TLCD3B: variants seen among roughly 807,000 people sequenced by gnomAD.
TLCD3B encodes TLC domain containing 3B, also known as ceramide synthase.
Under a neutral mutation model 23.0 loss-of-function variants are expected in TLCD3B, and 9 were observed. The ratio of observed to expected loss-of-function variants is 0.39; its 90% CI spans 0.24 to 0.68. TLCD3B has a LOEUF of 0.68. Among genes scored for constraint, TLCD3B ranks in the 30% least tolerant of loss-of-function variants. The probability of loss-of-function intolerance (pLI) is 0.44; values close to 1 mark genes in which losing one functional copy is unlikely to be tolerated. For synonymous variants in TLCD3B, 161 were observed against 161.0 expected, an observed-to-expected ratio of 1.00 and a Z score of 0.00; for missense variants, 307 against 371.8, an observed-to-expected ratio of 0.83 and a Z score of 1.43.
rs567213222 is a variant in TLCD3B, at chr16:30,045,396, G to A, written c.-229+927C>T. Among the ~76,000 whole-genome samples the A allele has an allele frequency of 2.2e-5, 3 of 135,750 alleles. No homozygotes were observed. In the South Asian group the frequency reaches 7.6e-4, roughly 34 times the overall value. The allele number at this position is 135,750 out of a possible 152,430, so 89.1% of individuals were successfully genotyped here. On this transcript the variant is annotated intron_variant, in intron 2 of 6. Transcript: ENST00000561666. The stretch of plus-strand genomic sequence containing the variant: ...TGTGTGTGTGGTGTGCGTGGGTATG[G>A]TGTGTGTGGTGTGTGGTGTGTTTGT...
At chr16:30,037,436 C>G (rs996884337) in intron 3 of TLCD3B, among the ~76,000 whole-genome samples, 1 of 149,082 alleles carries the variant, frequency 6.7e-6, no homozygotes, top group Non-Finnish European at 1.5e-5. Flanking sequence ...CCAGCTACTC[C>G]GGAGGCTGAG....
intron 2 of TLCD3B, among the ~76,000 whole-genome samples, chr16:30,046,063 T>C (rs2071669297): frequency 6.6e-6 from 1 of 151,960 alleles, no homozygotes; most frequent in Admixed American, 6.6e-5. Flanking sequence ...TGAGCCATGA[T>C]CGCGCCACTG....
chr16:30,028,969 G>T (rs1021726769), intron 2 of TLCD3B, among the ~76,000 whole-genome samples: 1 of 152,162 alleles, frequency 6.6e-6, no homozygotes, highest in Non-Finnish European at 1.5e-5. Flanking sequence ...CTGCCTGGCC[G>T]TGTGTGGCCT....
At chr16:30,048,518 A>C (rs374987043) in intron 1 of TLCD3B, among the ~76,000 whole-genome samples, 1 of 152,130 alleles carries the variant, frequency 6.6e-6, no homozygotes, top group African/African-American at 2.4e-5. Flanking sequence ...CACTTTCCAC[A>C]TGAGTACAAC....
intron 3 of TLCD3B, among the ~76,000 whole-genome samples, chr16:30,036,823 G>A (rs140188319): frequency 0.017 from 2,651 of 152,260 alleles, 77 homozygotes; most frequent in African/African-American, 0.06. Flanking sequence ...GGTGACTCAC[G>A]CCTGTAATCC....
In TLCD3B at chr16:30,025,396, C is replaced by T. The variant is rs182329248; in HGVS notation, c.612G>A (p.Arg204=). 1.2e-6 allele frequency: 2 copies of T among 1,611,316 alleles called. No individual in the cohort carries two copies. Among genetic ancestry groups the T allele is most frequent in the African/African-American group, 1.3e-5 (1 of 74,956 alleles). The change falls in exon 5 of 5, where the codon CGG becomes CGA. Residue 204 remains arginine (R), a synonymous_variant. Coordinates refer to ENST00000380495, the MANE Select transcript of TLCD3B (RefSeq NM_031478.6). This position sits in a 1 kb window ranked among gnomAD's most constrained non-coding sequence, Gnocchi z 4.1. ...AGTACAGGTAGGGAAAGAGCAGCAC[C>T]CGGCAGCAGAGGAAGCTGAGCAGCA... is the stretch of plus-strand genomic sequence containing the variant. ...ALMLLSFLCC[R]VLLFPYLYWA...
intron 2 of TLCD3B, among the ~76,000 whole-genome samples, chr16:30,045,567 T>C (rs1052559841): frequency 4.5e-5 from 6 of 134,350 alleles, no homozygotes; most frequent in African/African-American, 1.4e-4. Context: ...GGTGTGTGTG[T>C]GGTGTATGTG....
Position 30,030,727 on chromosome 16 carries a change from TG to T in TLCD3B, c.-201del. On this transcript the variant is annotated 5_prime_UTR_variant, in exon 1 of 5. Transcript: ENST00000380495. ...ACTGGGGAGTCGGGAGGGGGCTGGCTGGGCAGAGACGGGGGAGGGGAGGATG... is the reference window on the plus strand; with the variant it reads ...ACTGGGGAGTCGGGAGGGGGCTGGCTGGCAGAGACGGGGGAGGGGAGGATG... The T allele has an allele frequency of 1.5e-6, 1 of 663,226 alleles. No individual in the cohort carries two copies. Among genetic ancestry groups the T allele is most frequent in the Non-Finnish European group, 1.7e-6 (1 of 603,370 alleles). 41.1% of individuals were successfully genotyped at this position (663,226 alleles called of 1,614,324 possible). A position where few individuals can be genotyped will look rare whatever the true frequency, so the allele number is the denominator to read the frequency against.
upstream of TLCD3B, chr16:30,035,606 T>C: frequency 1.1e-6 from 1 of 922,068 alleles, no homozygotes; most frequent in Non-Finnish European, 1.4e-6. Flanking sequence ...TCTGTGGCCA[T>C]TGAAAGCCAC....
intron 2 of TLCD3B, chr16:30,027,071 T>A (rs1366744158): frequency 4.6e-6 from 3 of 652,044 alleles, no homozygotes; most frequent in Non-Finnish European, 8.5e-6. Context: ...CTCACCCATG[T>A]TCCTCTCTCT....
In TLCD3B at chr16:30,024,668, A is replaced by C; in HGVS notation, c.*515T>G. ...CCCCCAACCCAACAGACTAGTTCAA[A>C]TTTGGGTAAATAAATAAAATAAATA... is the stretch of plus-strand genomic sequence containing the variant. On this transcript the variant is annotated 3_prime_UTR_variant, in exon 5 of 5. Transcript: ENST00000380495. 1 of 196,120 alleles carries C rather than the reference A, an allele frequency of 5.1e-6. No individual in the cohort carries two copies. Among genetic ancestry groups the C allele is most frequent in the Non-Finnish European group, 1.0e-5 (1 of 97,172 alleles). 12.1% of individuals were successfully genotyped at this position (196,120 alleles called of 1,614,324 possible).
chr16:30,028,155 C>T (rs535027107), intron 2 of TLCD3B, among the ~76,000 whole-genome samples: 5 of 152,298 alleles, frequency 3.3e-5, no homozygotes, highest in African/African-American at 9.6e-5. Flanking sequence ...GCCCAGAATG[C>T]AGGCCCAGCA....
At chr16:30,042,369 G>A (rs529060782) in intron 2 of TLCD3B, among the ~76,000 whole-genome samples, 1 of 151,936 alleles carries the variant, frequency 6.6e-6, no homozygotes, top group East Asian at 1.9e-4. Flanking sequence ...CTCCCAAGGC[G>A]CCCACCACCA....
upstream of TLCD3B, chr16:30,035,620 G>A (rs1362346812): frequency 4.3e-6 from 3 of 702,042 alleles, no homozygotes; most frequent in Non-Finnish European, 4.0e-6. Flanking sequence ...AAGCCACCAG[G>A]CAAACCTCTT....
intron 1 of TLCD3B, among the ~76,000 whole-genome samples, chr16:30,049,322 C>T (rs2071716181): frequency 6.6e-6 from 1 of 152,132 alleles, no homozygotes. Context: ...GAGATGATAT[C>T]GTTGGATGTC....
At chr16:30,026,038 C>T (rs1414386489) in intron 3 of TLCD3B, among the ~76,000 whole-genome samples, 1 of 152,042 alleles carries the variant, frequency 6.6e-6, no homozygotes, top group African/African-American at 2.4e-5. Context: ...TTGAGACCAG[C>T]CTGGCCAACA....
Position 30,030,507 on chromosome 16 carries a change from G to C in TLCD3B, c.21C>G (p.Ala7=). The change falls in exon 1 of 5, where the codon GCC becomes GCG. Residue 7 remains alanine, a synonymous_variant. Transcript: ENST00000380495. ...AGAGTCCGGGGAACACCACCCCCCC[G>C]GCCACCATCGGGGTCAGCATGGTGG... MLTPMV[A]GGVVFPGLFL... The C allele has an allele frequency of 6.3e-7, 1 of 1,591,108 alleles. No homozygotes were observed. Among genetic ancestry groups the C allele is most frequent in the Non-Finnish European group, 8.5e-7 (1 of 1,171,442 alleles).
At chr16:30,048,706 A>G (rs2071708709) in intron 1 of TLCD3B, among the ~76,000 whole-genome samples, 1 of 151,682 alleles carries the variant, frequency 6.6e-6, no homozygotes, top group African/African-American at 2.4e-5. Flanking sequence ...TCCCCAGTTC[A>G]AGTGATTCTC....
intron 2 of TLCD3B, among the ~76,000 whole-genome samples, chr16:30,028,686 GGGCGTCCAAA>G (rs1596743830): frequency 6.6e-6 from 1 of 152,242 alleles, no homozygotes; most frequent in East Asian, 1.9e-4. Context: ...CCCCCATCAG[GGGCGTCCAAA>G]TGTTCCCTGG....
Sources: gnomAD v4.1 joint callset for allele counts (sites outside exome capture counted in the v4.1 genomes callset) on GRCh38, gnomAD v4.1.1 for gene constraint, Gnocchi (gnomAD v3.1) non-coding constraint, MANE v1.5 for transcripts, NCBI Gene and HGNC (gene_info 2026-07-23, HGNC 2026-07-21) for gene names.